Variants in MALT1 observed in about 807,000 individuals in gnomAD.
MALT1 encodes the protein mucosa-associated lymphoid tissue lymphoma translocation protein 1.
Under a neutral mutation model 85.5 loss-of-function variants are expected in MALT1, and 36 were observed. The ratio of observed to expected loss-of-function variants is 0.42; its 90% CI spans 0.32 to 0.56. The LOEUF is 0.56. Among genes scored for constraint, MALT1 ranks in the 20% least tolerant of loss-of-function variants. The pLI, the probability that MALT1 is intolerant of heterozygous loss-of-function variation, is 0.10. For missense variants in MALT1, 716 were observed against 981.6 expected (o/e 0.73, Z 3.62); for synonymous variants, 359 against 361.3 (o/e 0.99, Z 0.07).
intron 13 of MALT1, among the ~76,000 whole-genome samples, chr18:58,739,134 TATAG>T (rs892546392): frequency 3.9e-5 from 6 of 152,214 alleles, no homozygotes; most frequent in African/African-American, 9.6e-5. Context: ...GAGTTAAATT[TATAG>T]ATAGTCTAAC....
chr18:58,676,269 A>G (rs1460174455), intron 1 of MALT1, among the ~76,000 whole-genome samples: 1 of 152,056 alleles, frequency 6.6e-6, no homozygotes, highest in African/African-American at 2.4e-5. Context: ...GTAGCCTCAC[A>G]CCTGTAATCC....
intron 2 of MALT1, chr18:58,691,186 CT>C: frequency 3.4e-6 from 1 of 298,160 alleles, no homozygotes; most frequent in Non-Finnish European, 6.6e-6. Context: ...CTCCCCACTA[CT>C]GATCTTCAGG....
chr18:58,698,643 G>A (rs2054628809), intron 3 of MALT1, among the ~76,000 whole-genome samples: 2 of 152,162 alleles, frequency 1.3e-5, no homozygotes, highest in African/African-American at 4.8e-5. Flanking sequence ...GTTGAAGATT[G>A]GAAAATTAAT....
intron 3 of MALT1, among the ~76,000 whole-genome samples, chr18:58,699,561 A>AT (rs1265566097): frequency 1.3e-5 from 2 of 151,986 alleles, no homozygotes; most frequent in Non-Finnish European, 2.9e-5. Flanking sequence ...CAGATTTTGG[A>AT]TTTTTTTTAG....
At chr18:58,705,615 A>G (rs2054740483) in intron 4 of MALT1, among the ~76,000 whole-genome samples, 1 of 148,270 alleles carries the variant, frequency 6.7e-6, no homozygotes, top group Non-Finnish European at 1.5e-5. Flanking sequence ...GAGAATGATG[A>G]TTTCCAATTT....
rs1324801192 is a variant in MALT1 at position 58,737,223 on chromosome 18, T to C, written c.1603+1894T>C. ...GGCCAGGTACAGTGGCTCATGCCTG[T>C]AATCCCAGCATTTGGGGAGGCTGAG... On this transcript the variant is annotated intron_variant, in intron 13 of 16. Coordinates refer to ENST00000649217, the MANE Select transcript of MALT1 (RefSeq NM_006785.4). Among the ~76,000 whole-genome samples, 3 of 152,118 alleles carry C rather than the reference T, an allele frequency of 2.0e-5. No individual in the cohort carries two copies. The East Asian group carries it at 5.8e-4, about 29-fold the overall frequency.
At chr18:58,698,784 A>T (rs1017729324) in intron 3 of MALT1, among the ~76,000 whole-genome samples, 2 of 151,966 alleles carry the variant, frequency 1.3e-5, no homozygotes, top group African/African-American at 4.8e-5. Context: ...TGTGAGCATA[A>T]TGGATGGGTT....
At chr18:58,700,763 T>A (rs1230220539) in intron 4 of MALT1, among the ~76,000 whole-genome samples, 172 bp downstream of exon 4, 1 of 151,944 alleles carries the variant, frequency 6.6e-6, no homozygotes, top group Non-Finnish European at 1.5e-5. Flanking sequence ...ATGTGTTTTG[T>A]CTTTCTTTTT....
chr18:58,687,526 A>C (rs1052371707), intron 2 of MALT1, among the ~76,000 whole-genome samples: 1 of 152,250 alleles, frequency 6.6e-6, no homozygotes, highest in African/African-American at 2.4e-5. Flanking sequence ...ATTTGGGCAC[A>C]CTGTAGGGCA....
intron 10 of MALT1, among the ~76,000 whole-genome samples, chr18:58,726,890 T>TAG (rs2055062842): frequency 6.6e-6 from 1 of 152,248 alleles, no homozygotes; most frequent in African/African-American, 2.4e-5. Flanking sequence ...GAGCAGCTGT[T>TAG]CAGTTCACAT....
rs552204157 is a variant in MALT1 at position 58,749,674 on chromosome 18, T to A, written c.*1832T>A. On this transcript the variant is annotated 3_prime_UTR_variant, in exon 17 of 17. Transcript: ENST00000649217. ...TTCACAAATACATAACCTTGAATAATGAGGATCAACTGTACCATATTTAAT... is the reference window on the plus strand; with the variant it reads ...TTCACAAATACATAACCTTGAATAAAGAGGATCAACTGTACCATATTTAAT... The A allele has an allele frequency of 2.3e-5, 5 of 221,064 alleles. No homozygotes were observed. In the South Asian group the frequency reaches 9.2e-4, roughly 41 times the overall value. The allele number at this position is 221,064 out of a possible 1,614,324, so 13.7% of individuals were successfully genotyped here.
At chr18:58,682,249 T>C (rs1372456725) in intron 2 of MALT1, among the ~76,000 whole-genome samples, 1 of 152,212 alleles carries the variant, frequency 6.6e-6, no homozygotes, top group Non-Finnish European at 1.5e-5. Flanking sequence ...TTATTTTTTA[T>C]TGTTAGTTGT....
chr18:58,748,004 A>G lies in MALT1; in HGVS notation c.*162A>G, dbSNP rs530257421. On this transcript the variant is annotated 3_prime_UTR_variant, in exon 17 of 17. Transcript: ENST00000649217. ...CAGGACTTTGAGATGTTGAAATTAC[A>G]TTATTTAATTACAGACTTCCTCTTT... The G allele has an allele frequency of 4.2e-5, 25 of 601,514 alleles. No homozygotes were observed. The East Asian group carries it at 5.9e-4, about 14-fold the overall frequency. The allele number at this position is 601,514 out of a possible 1,614,324, so 37.3% of individuals were successfully genotyped here.
chr18:58,702,844 T>C (rs1007907925), intron 4 of MALT1, among the ~76,000 whole-genome samples: 3 of 152,190 alleles, frequency 2.0e-5, no homozygotes, highest in Non-Finnish European at 4.4e-5. Flanking sequence ...ATAACTAGCA[T>C]TGATCAAGAC....
At chr18:58,700,333 A>T in intron 3 of MALT1, 108 bp from the exon 4 acceptor site, 1 of 790,810 alleles carries the variant, frequency 1.3e-6, no homozygotes, top group Non-Finnish European at 1.9e-6. Flanking sequence ...TTGGGGGAAA[A>T]ATGTTGCACT....
chr18:58,694,643 G>T (rs1435261419), intron 2 of MALT1, among the ~76,000 whole-genome samples: 2 of 152,148 alleles, frequency 1.3e-5, no homozygotes, highest in African/African-American at 2.4e-5. Context: ...ATCTATTGCT[G>T]CATTAATAAA....
chr18:58,743,452 TA>T (rs1205850389), intron 14 of MALT1, among the ~76,000 whole-genome samples: 1 of 152,180 alleles, frequency 6.6e-6, no homozygotes, highest in East Asian at 1.9e-4. Flanking sequence ...TAAAATGCTA[TA>T]AATATCTCAC....
At chr18:58,731,470 C>T (rs2055148195) in intron 10 of MALT1, among the ~76,000 whole-genome samples, 3 of 152,200 alleles carry the variant, frequency 2.0e-5, no homozygotes, top group African/African-American at 7.2e-5. Context: ...TGTGTGCAGT[C>T]TTATTTTCAT....
rs1214388682 is a variant in MALT1, at chr18:58,754,429, G to T, written c.*6587G>T. 2.6e-5 allele frequency: 4 copies of T among 152,092 alleles called. No homozygotes were observed. The highest frequency in any genetic ancestry group is 9.7e-5 in the African/African-American group (4 of 41,406). 9.4% of individuals were successfully genotyped at this position (152,092 alleles called of 1,614,324 possible). ...TCAATACAGCAGGCTGTTCTGCTAGGGAAATTGTTAATATTTTAAAAATAT... is the reference window on the plus strand; with the variant it reads ...TCAATACAGCAGGCTGTTCTGCTAGTGAAATTGTTAATATTTTAAAAATAT... On this transcript the variant is annotated 3_prime_UTR_variant, in exon 17 of 17. Transcript: ENST00000649217.
Sources: gnomAD v4.1 joint callset for allele counts (sites outside exome capture counted in the v4.1 genomes callset) on GRCh38, gnomAD v4.1.1 for gene constraint, MANE v1.5 for transcripts, NCBI Gene and HGNC (gene_info 2026-07-23, HGNC 2026-07-21) for gene names.